SH3BP5: variants seen among roughly 807,000 people sequenced by gnomAD.
SH3BP5 encodes SH3 domain-binding protein 5.
SH3BP5 carries 22 observed loss-of-function variants against 43.3 expected under a neutral mutation model. The ratio of observed to expected loss-of-function variants is 0.51; its 90% CI spans 0.36 to 0.73. The LOEUF is 0.73. Among genes scored for constraint, SH3BP5 ranks in the 30% least tolerant of loss-of-function variants. SH3BP5 has a pLI of 0.00. For synonymous variants in SH3BP5, 255 were observed against 225.8 expected, an observed-to-expected ratio of 1.13 and a Z score of -1.16; for missense variants, 529 against 586.9, an observed-to-expected ratio of 0.90 and a Z score of 1.02.
intron 1 of SH3BP5, among the ~76,000 whole-genome samples, chr3:15,340,277 TTAAAA>T (rs1698750742): frequency 1.3e-5 from 2 of 152,150 alleles, no homozygotes; most frequent in South Asian, 2.1e-4. Flanking sequence ...AAGATAAAAC[TTAAAA>T]TAATGTTAAG....
chr3:15,323,859 G>C (rs1283980718), intron 2 of SH3BP5, among the ~76,000 whole-genome samples: 1 of 152,222 alleles, frequency 6.6e-6, no homozygotes, highest in Non-Finnish European at 1.5e-5. Context: ...TGGCTCCAGA[G>C]GCCAAGCTTT....
At chr3:15,299,038 G>A (rs1271781634) in intron 3 of SH3BP5, among the ~76,000 whole-genome samples, 1 of 152,212 alleles carries the variant, frequency 6.6e-6, no homozygotes, top group African/African-American at 2.4e-5. Flanking sequence ...TTTTCTTAAA[G>A]AGGAGAAAAA....
At chr3:15,321,193 G>C (rs1026384531) in intron 2 of SH3BP5, among the ~76,000 whole-genome samples, 14 of 152,190 alleles carry the variant, frequency 9.2e-5, no homozygotes, top group African/African-American at 3.4e-4. Flanking sequence ...CAAATACACA[G>C]AGTAACTAAG....
At chr3:15,288,612 C>T (rs892064746) in intron 3 of SH3BP5, among the ~76,000 whole-genome samples, 2 of 152,136 alleles carry the variant, frequency 1.3e-5, no homozygotes, top group African/African-American at 2.4e-5. Context: ...ACAAAATTAG[C>T]CAGACATGGT....
intron 8 of SH3BP5, 41 bp downstream of exon 8, chr3:15,256,812 C>A (rs780580453): frequency 3.2e-6 from 5 of 1,571,698 alleles, no homozygotes; most frequent in Non-Finnish European, 4.3e-6. Flanking sequence ...GCTACAGAGG[C>A]AGTGTGGCAT....
chr3:15,290,447 A>C lies in SH3BP5; in HGVS notation c.330+13656T>G, dbSNP rs1024056654. Among the ~76,000 whole-genome samples, 96 of 149,396 alleles carry C rather than the reference A, an allele frequency of 6.4e-4. 1 individual carries two copies. The highest frequency in any genetic ancestry group is 2.3e-3 in the African/African-American group (94 of 40,374). On this transcript the variant is annotated intron_variant, in intron 3 of 8. Coordinates refer to ENST00000383791, the MANE Select transcript of SH3BP5 (RefSeq NM_004844.5). ...AGGCTGAGGCAGGAGAATTGCTTAA[A>C]CCTGGGAGATGGAGGTTGCAGTGAG...
intron 3 of SH3BP5, among the ~76,000 whole-genome samples, chr3:15,295,908 C>A (rs1443745892): frequency 1.3e-5 from 2 of 152,134 alleles, no homozygotes; most frequent in Admixed American, 1.3e-4. Flanking sequence ...AACATTCAAC[C>A]CTTTGCAGCT....
intron 2 of SH3BP5, among the ~76,000 whole-genome samples, chr3:15,323,006 G>A (rs915366500): frequency 8.5e-5 from 13 of 152,144 alleles, no homozygotes; most frequent in Admixed American, 1.3e-4. Flanking sequence ...GGGTGTGGTG[G>A]CACATGCCTG....
chr3:15,332,696 T>A (rs779326377), upstream of SH3BP5: 1 of 1,115,100 alleles, frequency 9.0e-7, no homozygotes. Flanking sequence ...TATCCAGGTC[T>A]CCGTCGCAAA....
At chr3:15,319,932 T>C (rs1393346978) in intron 2 of SH3BP5, among the ~76,000 whole-genome samples, 1 of 152,004 alleles carries the variant, frequency 6.6e-6, no homozygotes, top group Admixed American at 6.6e-5. Context: ...ATAGGCAAAA[T>C]AGAACAGTTG....
chr3:15,259,154 A>G (rs1469547465), intron 6 of SH3BP5, 104 bp from the exon 7 acceptor site: 14 of 924,128 alleles, frequency 1.5e-5, no homozygotes, highest in Non-Finnish European at 2.0e-5. Flanking sequence ...TTCTACTTCA[A>G]GGAATTTTCC....
At chr3:15,319,954 T>C (rs1025302096) in intron 2 of SH3BP5, among the ~76,000 whole-genome samples, 5 of 152,208 alleles carry the variant, frequency 3.3e-5, no homozygotes, top group African/African-American at 1.2e-4. Flanking sequence ...TTTAAGCTAT[T>C]ACGGCTTGGG....
chr3:15,265,544 A>ACACACACAC (rs982087468), intron 4 of SH3BP5, among the ~76,000 whole-genome samples: 2 of 142,936 alleles, frequency 1.4e-5, no homozygotes, highest in African/African-American at 5.0e-5. Flanking sequence ...ACACACACAC[A>ACACACACAC]CACACACACA....
At chr3:15,262,401 T>C in intron 4 of SH3BP5, 112 bp from the exon 5 acceptor site, 2 of 1,348,610 alleles carry the variant, frequency 1.5e-6, no homozygotes, top group Non-Finnish European at 2.0e-6. Flanking sequence ...GTGACACATG[T>C]GTAATCCCAG....
intron 3 of SH3BP5, among the ~76,000 whole-genome samples, chr3:15,289,099 C>A (rs1697340987): frequency 6.6e-6 from 1 of 152,214 alleles, no homozygotes; most frequent in African/African-American, 2.4e-5. Flanking sequence ...CTGTGGGTAA[C>A]TTAAGCCCAC....
intron 3 of SH3BP5, among the ~76,000 whole-genome samples, chr3:15,279,942 G>A (rs1697074923): frequency 1.3e-5 from 2 of 152,152 alleles, no homozygotes; most frequent in African/African-American, 4.8e-5. Flanking sequence ...TCTGCCTTAA[G>A]CTGGCACTAT....
Position 15,289,815 on chromosome 3 carries a change from T to C in SH3BP5, c.330+14288A>G, listed in dbSNP as rs189264044. ...ATTTCCTTCCAACAGCTGCTCTCAATAAAGGGCCCACTGTAGATACCTTCT... is the reference window on the plus strand; with the variant it reads ...ATTTCCTTCCAACAGCTGCTCTCAACAAAGGGCCCACTGTAGATACCTTCT... On this transcript the variant is annotated intron_variant, in intron 3 of 8. Transcript: ENST00000383791. Among the ~76,000 whole-genome samples, 16 of 152,136 alleles carry C rather than the reference T, an allele frequency of 1.1e-4. 1 individual carries two copies. The highest frequency in any genetic ancestry group is 3.4e-3 in the Middle Eastern group (1 of 294).
chr3:15,301,782 A>G (rs1575327561), intron 3 of SH3BP5, among the ~76,000 whole-genome samples: 1 of 152,076 alleles, frequency 6.6e-6, no homozygotes, highest in East Asian at 1.9e-4. Context: ...CAAGGGAGTG[A>G]CCTGAATCAG....
chr3:15,255,983 G>A lies in SH3BP5; in HGVS notation c.*103C>T, dbSNP rs987025264. The A allele has an allele frequency of 5.2e-6, 5 of 958,032 alleles. No homozygotes were observed. The African/African-American group carries it at 8.2e-5, about 16-fold the overall frequency. The allele number at this position is 958,032 out of a possible 1,614,324, so 59.3% of individuals were successfully genotyped here. A position where few individuals can be genotyped will look rare whatever the true frequency, so the allele number is the denominator to read the frequency against. On this transcript the variant is annotated 3_prime_UTR_variant, in exon 9 of 9. Coordinates refer to ENST00000383791, the MANE Select transcript of SH3BP5 (RefSeq NM_004844.5). Reference sequence around the variant, plus strand: ...TGAAACTTCATTAGAGCAGTTTAGAGTAGACGTGTAAGATTTGGCATATAT... The same window carrying A: ...TGAAACTTCATTAGAGCAGTTTAGAATAGACGTGTAAGATTTGGCATATAT...
Sources: allele counts gnomAD v4.1 joint callset (sites outside exome capture counted in the v4.1 genomes callset), GRCh38; gene constraint gnomAD v4.1.1; transcripts MANE v1.5; gene names NCBI Gene and HGNC (gene_info 2026-07-23, HGNC 2026-07-21).